Variants in DAB1 observed in about 807,000 individuals in gnomAD.
DAB1 encodes the protein DAB adaptor protein 1.
Under a neutral mutation model 64.6 loss-of-function variants are expected in DAB1, and 15 were observed. The ratio of observed to expected loss-of-function variants is 0.23; its 90% CI spans 0.16 to 0.36. DAB1 has a LOEUF of 0.36. DAB1 is among the 10% of genes least tolerant of loss of function. The probability of loss-of-function intolerance (pLI) is 1.00; values close to 1 mark genes in which losing one functional copy is unlikely to be tolerated. For synonymous variants in DAB1, 235 were observed against 251.9 expected (o/e 0.93, Z 0.64); for missense variants, 596 against 706.7 (o/e 0.84, Z 1.78).
intron 7 of DAB1, among the ~76,000 whole-genome samples, chr1:57,577,045 G>A (rs1645259032): frequency 6.6e-6 from 1 of 152,204 alleles, no homozygotes; most frequent in Non-Finnish European, 1.5e-5. Context: ...GAGCAGTGGT[G>A]AAGGCCTACT....
chr1:57,275,314 C>T (rs924586155), intron 2 of DAB1, among the ~76,000 whole-genome samples: 6 of 152,048 alleles, frequency 3.9e-5, no homozygotes, highest in Non-Finnish European at 5.9e-5. Context: ...ATAATGGAAT[C>T]CTAATAAGCA....
intron 6 of DAB1, among the ~76,000 whole-genome samples, chr1:57,765,241 T>C (rs1385098388): frequency 6.6e-6 from 1 of 152,162 alleles, no homozygotes; most frequent in African/African-American, 2.4e-5. Flanking sequence ...AGGGAGGCTG[T>C]GAGGATATAT....
intron 7 of DAB1, among the ~76,000 whole-genome samples, chr1:57,576,112 T>G (rs1164384592): frequency 6.6e-6 from 1 of 152,256 alleles, no homozygotes; most frequent in Non-Finnish European, 1.5e-5. Flanking sequence ...CTTCACATTT[T>G]AGATTTTGAT....
At chr1:58,505,582 T>TA (rs1232700092) in intron 3 of DAB1, among the ~76,000 whole-genome samples, 1 of 151,924 alleles carries the variant, frequency 6.6e-6, no homozygotes, top group Non-Finnish European at 1.5e-5. Flanking sequence ...CATAAAGAAA[T>TA]AAATAACCAG....
At chr1:57,846,264 C>A (rs1168688989) in intron 1 of DAB1, among the ~76,000 whole-genome samples, 1 of 151,986 alleles carries the variant, frequency 6.6e-6, no homozygotes, top group Admixed American at 6.6e-5. Flanking sequence ...TCGAGACCAT[C>A]CTGGCTAACA....
chr1:58,104,110 T>C (rs1651494402), intron 5 of DAB1, among the ~76,000 whole-genome samples: 1 of 152,234 alleles, frequency 6.6e-6, no homozygotes, highest in Admixed American at 6.5e-5. Flanking sequence ...AACCTGTCCC[T>C]GTTTCATCAC....
At chr1:57,352,144 A>T (rs1678640941) in intron 1 of DAB1, among the ~76,000 whole-genome samples, 1 of 152,182 alleles carries the variant, frequency 6.6e-6, no homozygotes, top group Non-Finnish European at 1.5e-5. Context: ...ACAAGATGGA[A>T]AAAGGATCAG....
chr1:57,127,801 C>T (rs186718498), intron 4 of DAB1, among the ~76,000 whole-genome samples: 3 of 152,208 alleles, frequency 2.0e-5, no homozygotes, highest in Admixed American at 2.0e-4. Context: ...ATTTATATGA[C>T]GTACTTAGCA....
At chr1:58,258,870 A>G (rs755600583) in intron 4 of DAB1, among the ~76,000 whole-genome samples, 1 of 152,162 alleles carries the variant, frequency 6.6e-6, no homozygotes, top group South Asian at 2.1e-4. Flanking sequence ...GTACTGTACT[A>G]ACAGGAATAA....
At chr1:57,321,546 A>T (rs1416745799) in intron 1 of DAB1, among the ~76,000 whole-genome samples, 1 of 152,166 alleles carries the variant, frequency 6.6e-6, no homozygotes, top group Non-Finnish European at 1.5e-5. Context: ...TGTAAAGGTC[A>T]CTTCAAATCC....
chr1:58,006,305 C>A (rs1646582015), intron 5 of DAB1, among the ~76,000 whole-genome samples: 1 of 152,120 alleles, frequency 6.6e-6, no homozygotes, highest in South Asian at 2.1e-4. Context: ...GCCTCAGTTT[C>A]CTCATGGGTA....
intron 1 of DAB1, among the ~76,000 whole-genome samples, chr1:57,356,895 G>T (rs536305515): frequency 7.2e-4 from 110 of 152,044 alleles, no homozygotes; most frequent in African/African-American, 2.6e-3. Flanking sequence ...CTGGGTAGTG[G>T]TTAACAGCTT....
At chr1:57,013,451 T>C (rs936553333) in intron 12 of DAB1, among the ~76,000 whole-genome samples, 4 of 152,256 alleles carry the variant, frequency 2.6e-5, no homozygotes, top group African/African-American at 7.2e-5. Context: ...TTTTTATTCA[T>C]TATTCCTCAT....
At chr1:57,608,907 ACT>A (rs1645692778) in intron 7 of DAB1, among the ~76,000 whole-genome samples, 1 of 152,096 alleles carries the variant, frequency 6.6e-6, no homozygotes, top group Non-Finnish European at 1.5e-5. Context: ...GAAATCGTTC[ACT>A]CTCACCATCT....
rs1645165443 is a variant in DAB1, at chr1:57,569,347, T to A, written n.625+80245A>T. Among the ~76,000 whole-genome samples, 5 of 149,932 alleles carry A rather than the reference T, an allele frequency of 3.3e-5. No homozygotes were observed. The South Asian group carries it at 6.5e-4, about 19-fold the overall frequency. ...GACTTGGAACCAACCCAAATGTCCA[T>A]CAGTGATAGACTGGATTAAGAAAAT... On this transcript the variant is annotated intron_variant and non_coding_transcript_variant, in intron 7 of 20. Coordinates refer to the DAB1 transcript ENST00000485760.
chr1:57,749,502 G>A (rs1176346170), intron 6 of DAB1, among the ~76,000 whole-genome samples: 1 of 152,150 alleles, frequency 6.6e-6, no homozygotes, highest in Non-Finnish European at 1.5e-5. Flanking sequence ...GCAACACCAG[G>A]TCCACAGTTG....
At chr1:58,109,051 C>T (rs1651827147) in intron 5 of DAB1, among the ~76,000 whole-genome samples, 2 of 152,178 alleles carry the variant, frequency 1.3e-5, no homozygotes, top group African/African-American at 4.8e-5. Flanking sequence ...CAGACACCAC[C>T]GAGCTTCCTT....
At chr1:57,877,479 C>T (rs1644065944) in intron 1 of DAB1, among the ~76,000 whole-genome samples, 1 of 152,116 alleles carries the variant, frequency 6.6e-6, no homozygotes, top group African/African-American at 2.4e-5. Flanking sequence ...TCTCTCCATC[C>T]TGAGTCAGTC....
intron 7 of DAB1, among the ~76,000 whole-genome samples, chr1:57,490,078 C>A (rs1644142797): frequency 6.6e-6 from 1 of 152,158 alleles, no homozygotes; most frequent in Non-Finnish European, 1.5e-5. Flanking sequence ...CATTTATGAA[C>A]AAAGAAGTGG....
Sources: allele counts gnomAD v4.1 joint callset (sites outside exome capture counted in the v4.1 genomes callset), GRCh38; gene constraint gnomAD v4.1.1; transcripts MANE v1.5; gene names NCBI Gene and HGNC (gene_info 2026-07-23, HGNC 2026-07-21).